Variants in MAPRE2 observed in about 807,000 individuals in gnomAD.
MAPRE2 encodes the protein microtubule-associated protein RP/EB family member 2.
MAPRE2 carries 13 observed loss-of-function variants against 43.2 expected under a neutral mutation model. That is an observed-to-expected ratio of 0.30 (90% CI 0.20 to 0.48). The LOEUF (loss-of-function observed/expected upper bound fraction) is 0.48, where lower values mean the gene tolerates loss of function less well. MAPRE2 is among the 20% of genes least tolerant of loss of function. The pLI is 0.99. For missense variants in MAPRE2, 161 were observed against 400.2 expected, an observed-to-expected ratio of 0.40 and a Z score of 5.10; for synonymous variants, 135 against 148.8, an observed-to-expected ratio of 0.91 and a Z score of 0.68.
In MAPRE2 at chr18:34,978,563, TTTC is replaced by T. The variant is rs764056872; in HGVS notation, c.-70+1485_-70+1487del. The stretch of plus-strand genomic sequence containing the variant: ...AAAGGTAATCTGAAGAATGGCAACA[TTTC>T]CCCTGCTTCTCCTGAACGCTAAATT... On this transcript the variant is annotated intron_variant, in intron 1 of 7. Coordinates refer to the MAPRE2 transcript ENST00000413393. 5.8e-6 allele frequency: 9 copies of T among 1,551,168 alleles called. No individual in the cohort carries two copies. In the African/African-American group the frequency reaches 1.2e-4, roughly 21 times the overall value.
At chr18:35,127,212 G>A in intron 5 of MAPRE2, 125 bp downstream of exon 5, 2 of 935,600 alleles carry the variant, frequency 2.1e-6, no homozygotes, top group South Asian at 1.7e-5. Context: ...TTTCAAGTAA[G>A]TGAGAATAAA....
chr18:35,122,900 T>C (rs1024063243), intron 4 of MAPRE2, among the ~76,000 whole-genome samples: 11 of 152,208 alleles, frequency 7.2e-5, no homozygotes, highest in Non-Finnish European at 1.3e-4. Flanking sequence ...CAGGTTGAAG[T>C]TGGGCTCTGT....
chr18:35,104,169 A>G (rs555744334), intron 4 of MAPRE2, among the ~76,000 whole-genome samples: 1 of 152,308 alleles, frequency 6.6e-6, no homozygotes, highest in South Asian at 2.1e-4. Flanking sequence ...GGCGATATCA[A>G]ATAGGATGAA....
chr18:35,104,051 A>G (rs638028), intron 4 of MAPRE2, among the ~76,000 whole-genome samples: 26,133 of 152,134 alleles, frequency 0.17, 2,501 homozygotes, highest in East Asian at 0.29. Context: ...GGAAGCTGCA[A>G]AAAAGATGAA....
At chr18:35,077,240 TGCGCGC>T (rs142029329) in intron 2 of MAPRE2, among the ~76,000 whole-genome samples, 3 of 146,950 alleles carry the variant, frequency 2.0e-5, no homozygotes, top group East Asian at 2.0e-4. Context: ...TACGCGCGCG[TGCGCGC>T]GCGCACACAC....
upstream of MAPRE2, among the ~76,000 whole-genome samples, chr18:35,038,128 G>A (rs951614099): frequency 6.6e-6 from 1 of 152,078 alleles, no homozygotes; most frequent in African/African-American, 2.4e-5. Context: ...TGCCTTAAAT[G>A]TTCCATCCTG....
At chr18:34,998,101 T>G (rs1408554617) in intron 1 of MAPRE2, among the ~76,000 whole-genome samples, 1 of 152,100 alleles carries the variant, frequency 6.6e-6, no homozygotes, top group Admixed American at 6.5e-5. Context: ...TTTTTTTCTA[T>G]CAAGGAATTT....
intron 1 of MAPRE2, among the ~76,000 whole-genome samples, chr18:35,061,420 C>T (rs2084571695): frequency 1.3e-5 from 2 of 152,156 alleles, no homozygotes; most frequent in South Asian, 2.1e-4. Flanking sequence ...CCTGATATTT[C>T]TCCATCATCC....
intron 2 of MAPRE2, among the ~76,000 whole-genome samples, chr18:35,090,467 C>T (rs534606922): frequency 1.3e-5 from 2 of 152,168 alleles, no homozygotes; most frequent in South Asian, 4.1e-4. Context: ...CATGGTGGCT[C>T]ACGCGTGTAA....
At chr18:35,135,305 G>C (rs1395004289) in intron 6 of MAPRE2, among the ~76,000 whole-genome samples, 1 of 152,144 alleles carries the variant, frequency 6.6e-6, no homozygotes, top group Non-Finnish European at 1.5e-5. Context: ...AGTGGGCCTG[G>C]ATGCCGTGCT....
chr18:35,042,675 A>G (rs1022069681), intron 1 of MAPRE2, among the ~76,000 whole-genome samples: 14 of 152,296 alleles, frequency 9.2e-5, no homozygotes, highest in Middle Eastern at 3.4e-3. Context: ...TTATTTTTAA[A>G]TGTTACCTTG....
chr18:35,118,095 T>C (rs1603402869), intron 4 of MAPRE2, among the ~76,000 whole-genome samples: 1 of 152,220 alleles, frequency 6.6e-6, no homozygotes, highest in East Asian at 1.9e-4. Flanking sequence ...AGGCTCACAC[T>C]CACTGGACAT....
At chr18:35,033,549 AT>A (rs1309178823) in intron 2 of MAPRE2, among the ~76,000 whole-genome samples, 1 of 151,824 alleles carries the variant, frequency 6.6e-6, no homozygotes, top group Non-Finnish European at 1.5e-5. Flanking sequence ...GGGTATTCAA[AT>A]TAGGAAAAGA....
chr18:35,035,985 A>G (rs997890115), intron 2 of MAPRE2, among the ~76,000 whole-genome samples: 1 of 149,026 alleles, frequency 6.7e-6, no homozygotes, highest in African/African-American at 2.5e-5. Context: ...TTCAACAAAT[A>G]CTTAGTGAAC....
Position 34,977,624 on chromosome 18 carries a change from A to G in MAPRE2, c.-70+545A>G, listed in dbSNP as rs1449655174. Reference sequence around the variant, plus strand: ...TGGGAGCATCCCCTGGACCCCGGGCACTTCCCCTTCGGCAGCCACCACTCT... The same window carrying G: ...TGGGAGCATCCCCTGGACCCCGGGCGCTTCCCCTTCGGCAGCCACCACTCT... On this transcript the variant is annotated intron_variant, in intron 1 of 7. Transcript: ENST00000413393. Among the ~76,000 whole-genome samples the G allele has an allele frequency of 3.9e-5, 6 of 152,116 alleles. No homozygotes were observed. The East Asian group carries it at 1.2e-3, about 29-fold the overall frequency.
chr18:35,028,326 G>A (rs1260215918), intron 2 of MAPRE2, among the ~76,000 whole-genome samples: 1 of 152,338 alleles, frequency 6.6e-6, no homozygotes, highest in East Asian at 1.9e-4. Flanking sequence ...GCTGAAGCTA[G>A]AGGAGTTAAG....
intron 4 of MAPRE2, among the ~76,000 whole-genome samples, chr18:35,105,828 A>G (rs1312321846): frequency 6.6e-6 from 1 of 152,056 alleles, no homozygotes; most frequent in Non-Finnish European, 1.5e-5. Flanking sequence ...TTACAAAATC[A>G]AATCGTTCCA....
upstream of MAPRE2, chr18:35,041,400 G>A: frequency 1.3e-6 from 2 of 1,513,750 alleles, no homozygotes. Context: ...GGCGGGGCGC[G>A]AGCGAGAGCT....
chr18:35,063,205 G>C (rs1207968580), intron 1 of MAPRE2, among the ~76,000 whole-genome samples: 1 of 152,048 alleles, frequency 6.6e-6, no homozygotes, highest in South Asian at 2.1e-4. Flanking sequence ...CTGGGTTCAC[G>C]CCATTCTCCT....
Sources: allele counts gnomAD v4.1 joint callset (sites outside exome capture counted in the v4.1 genomes callset), GRCh38; gene constraint gnomAD v4.1.1; transcripts MANE v1.5; gene names NCBI Gene and HGNC (gene_info 2026-07-23, HGNC 2026-07-21).